Variants in ZNF507 observed in about 807,000 individuals in gnomAD.
The protein encoded by ZNF507 is zinc finger protein 507.
Under a neutral mutation model 80.0 loss-of-function variants are expected in ZNF507, and 29 were observed. The observed-to-expected ratio is 0.36, with a 90% CI of 0.27 to 0.49. The LOEUF is 0.49. ZNF507 is among the 20% of genes least tolerant of loss of function. ZNF507 has a pLI of 0.98. For missense variants in ZNF507, 1,081 were observed against 1,152.2 expected (o/e 0.94, Z 0.90); for synonymous variants, 462 against 422.5 (o/e 1.09, Z -1.15).
chr19:32,365,171 C>G (rs1286048060), intron 5 of ZNF507, among the ~76,000 whole-genome samples: 1 of 152,034 alleles, frequency 6.6e-6, no homozygotes, highest in Non-Finnish European at 1.5e-5. Flanking sequence ...TGTCCTTAGC[C>G]CACTTTTTGA....
chr19:32,375,680 ACAAT>A (rs1967537314), intron 5 of ZNF507, among the ~76,000 whole-genome samples: 1 of 152,258 alleles, frequency 6.6e-6, no homozygotes, highest in African/African-American at 2.4e-5. Context: ...CAAAATGCCG[ACAAT>A]CAGTTAATTG....
intron 3 of ZNF507, among the ~76,000 whole-genome samples, 153 bp downstream of exon 3, chr19:32,355,110 C>T (rs1050633656): frequency 6.6e-6 from 1 of 152,094 alleles, no homozygotes. Context: ...CCCAACTTAC[C>T]AGTATTAAAG....
intron 5 of ZNF507, among the ~76,000 whole-genome samples, chr19:32,373,072 G>A (rs1378266041): frequency 1.3e-5 from 2 of 152,192 alleles, no homozygotes; most frequent in South Asian, 2.1e-4. Context: ...CATGCTGGAA[G>A]GGGCAATAAA....
chr19:32,360,486 C>A lies in ZNF507; in HGVS notation c.2246-18C>A. On this transcript the variant is annotated intron_variant, in intron 4 of 6. Transcript: ENST00000355898. ...CTTGTCAAAGCCTGCTACTAAAACT[C>A]TGAAATACCTTGTCTAGGGAATAAG... 2 of 1,455,482 alleles carry A rather than the reference C, an allele frequency of 1.4e-6. No individual in the cohort carries two copies. The highest frequency in any genetic ancestry group is 1.4e-5 in the South Asian group (1 of 73,216). The allele number at this position is 1,455,482 out of a possible 1,614,324, so 90.2% of individuals were successfully genotyped here.
Position 32,361,901 on chromosome 19 carries a change from C to CTCCTTCCT in ZNF507, c.2360+1301_2360+1308dup, listed in dbSNP as rs569072237. Among the ~76,000 whole-genome samples the CTCCTTCCT allele has an allele frequency of 7.5e-5, 10 of 133,640 alleles. No individual in the cohort carries two copies. In the East Asian group the frequency reaches 9.2e-4, roughly 12 times the overall value. The allele number at this position is 133,640 out of a possible 152,430, so 87.7% of individuals were successfully genotyped here. On this transcript the variant is annotated intron_variant, in intron 5 of 6. Coordinates refer to ENST00000355898, the MANE Select transcript of ZNF507 (RefSeq NM_001136156.2). ...TTCCCTCCCCTCCCTCCCTCCCTCC[C>CTCCTTCCT]TCCTTCCTTCCTTCCTTCCTTCCTT...
At chr19:32,374,636 C>G (rs1213800729) in intron 5 of ZNF507, among the ~76,000 whole-genome samples, 1 of 152,030 alleles carries the variant, frequency 6.6e-6, no homozygotes, top group Non-Finnish European at 1.5e-5. Context: ...CACCCGCCAC[C>G]ACACATGGCT....
At chr19:32,381,132 G>C (rs1328844500) in intron 5 of ZNF507, among the ~76,000 whole-genome samples, 2 of 152,128 alleles carry the variant, frequency 1.3e-5, no homozygotes, top group African/African-American at 4.8e-5. Context: ...ATATCGCTAT[G>C]ATTCCAATTA....
At position 32,347,339 on chromosome 19, in the gene ZNF507, G is replaced by A. The variant is rs1056751398; in HGVS notation, c.-3+1G>A. Reference sequence around the variant, plus strand: ...CCACTTAACAGCCATGTAACCTTGGGTAAGTCACTTAAACCACACTGAGTG... The same window carrying A: ...CCACTTAACAGCCATGTAACCTTGGATAAGTCACTTAAACCACACTGAGTG... On this transcript the variant is annotated splice_donor_variant, in intron 2 of 6. Coordinates refer to ENST00000355898, the MANE Select transcript of ZNF507 (RefSeq NM_001136156.2). LOFTEE classifies it low-confidence loss of function (5UTR_SPLICE). 4 of 152,462 alleles carry A rather than the reference G, an allele frequency of 2.6e-5. No homozygotes were observed. The highest frequency in any genetic ancestry group is 5.9e-5 in the Non-Finnish European group (4 of 68,040). The allele number at this position is 152,462 out of a possible 1,614,324, so 9.4% of individuals were successfully genotyped here.
chr19:32,355,317 A>G (rs931173584), intron 3 of ZNF507, among the ~76,000 whole-genome samples: 2 of 152,230 alleles, frequency 1.3e-5, no homozygotes, highest in Non-Finnish European at 2.9e-5. Context: ...TTAACCGTAC[A>G]TCATCACAAC....
chr19:32,351,468 T>TGTGG (rs1967163883), intron 2 of ZNF507, among the ~76,000 whole-genome samples: 1 of 112,248 alleles, frequency 8.9e-6, no homozygotes, highest in South Asian at 3.1e-4. Context: ...TGTGTGTGTG[T>TGTGG]GTGGCGTGGG....
chr19:32,358,025 G>A (rs997838927), intron 4 of ZNF507: 5 of 152,142 alleles, frequency 3.3e-5, no homozygotes, highest in African/African-American at 1.2e-4. Flanking sequence ...AGACTTTACA[G>A]TATTAATGAA....
chr19:32,382,417 A>C (rs1177133268), intron 5 of ZNF507, 50 bp from the exon 6 acceptor site: 8 of 1,590,310 alleles, frequency 5.0e-6, no homozygotes, highest in Non-Finnish European at 5.1e-6. Flanking sequence ...ATAATTTTTC[A>C]CTGATGTTAT....
intron 5 of ZNF507, among the ~76,000 whole-genome samples, chr19:32,362,981 T>A (rs1334750272): frequency 6.6e-6 from 1 of 152,250 alleles, no homozygotes; most frequent in Non-Finnish European, 1.5e-5. Flanking sequence ...TCATGGGATT[T>A]CTGGTCGCAG....
chr19:32,365,569 G>T (rs1024107172), intron 5 of ZNF507, among the ~76,000 whole-genome samples: 4 of 152,078 alleles, frequency 2.6e-5, no homozygotes, highest in Non-Finnish European at 4.4e-5. Flanking sequence ...TTACTGAAAA[G>T]TTCCACTCAA....
rs1967199832 is a variant in ZNF507, at chr19:32,353,432, G to T, written c.602G>T (p.Cys201Phe). ...QQCVSPSSSL[C>F]RKTTERNETI... ...TGCGTAAGCCCCTCCAGCTCTTTGTGTCGGAAAACCACAGAAAGAAATGAA... is the reference window on the plus strand; with the variant it reads ...TGCGTAAGCCCCTCCAGCTCTTTGTTTCGGAAAACCACAGAAAGAAATGAA... Residue 201 changes from cysteine to phenylalanine, a missense_variant, in exon 3 of 7, where the codon TGT (cysteine) becomes TTT (phenylalanine). Physicochemically the swap from Cys to Phe is radical, Grantham distance 205 (BLOSUM62 -2). This residue lies in a region of ZNF507 where 275 missense variants were observed against 303.9 expected (regional missense o/e 0.90). Coordinates refer to ENST00000355898, the MANE Select transcript of ZNF507 (RefSeq NM_001136156.2). The T allele has an allele frequency of 3.7e-6, 6 of 1,614,168 alleles. No homozygotes were observed. The East Asian group carries it at 1.3e-4, about 36-fold the overall frequency.
At position 32,356,701 on chromosome 19, in the gene ZNF507, G is replaced by T; in HGVS notation, c.2213G>T (p.Ser738Ile). Residue 738 changes from serine (S) to isoleucine (I), a missense_variant, in exon 4 of 7, where the codon AGT (serine) becomes ATT (isoleucine). By Grantham distance (142) the Ser-to-Ile change is moderately radical. Transcript: ENST00000355898. ...IATSNEPRIS[S>I]DTADGKCVQE... ...ACTTCTAATGAGCCAAGAATTTCCA[G>T]TGATACAGCTGATGGAAAATGTGTC... is the stretch of plus-strand genomic sequence containing the variant. The T allele has an allele frequency of 6.2e-7, 1 of 1,614,040 alleles. No homozygotes were observed. Among genetic ancestry groups the T allele is most frequent in the Non-Finnish European group, 8.5e-7 (1 of 1,179,908 alleles).
chr19:32,349,031 C>T (rs180736934), intron 2 of ZNF507, among the ~76,000 whole-genome samples: 223 of 152,290 alleles, frequency 1.5e-3, no homozygotes, highest in African/African-American at 5.1e-3. Context: ...CAAACCACAG[C>T]ATAATGCAGT....
intron 5 of ZNF507, among the ~76,000 whole-genome samples, chr19:32,378,025 C>G (rs1165226002): frequency 6.6e-6 from 1 of 152,074 alleles, no homozygotes; most frequent in Non-Finnish European, 1.5e-5. Flanking sequence ...AAATATCTGA[C>G]CCATGTTCCT....
chr19:32,368,556 G>A (rs1967429486), intron 5 of ZNF507, among the ~76,000 whole-genome samples: 1 of 152,148 alleles, frequency 6.6e-6, no homozygotes, highest in South Asian at 2.1e-4. Context: ...TTTTTCATCT[G>A]TAGGCATCGT....
Sources: gnomAD v4.1 joint callset for allele counts (sites outside exome capture counted in the v4.1 genomes callset) on GRCh38, gnomAD v4.1.1 for gene constraint, gnomAD v4.1.1 regional missense constraint, MANE v1.5 for transcripts, NCBI Gene and HGNC (gene_info 2026-07-23, HGNC 2026-07-21) for gene names.